Variants in GAB2 observed in about 807,000 individuals in gnomAD.
GAB2 encodes GRB2-associated-binding protein 2.
GAB2 carries 26 observed loss-of-function variants against 65.5 expected under a neutral mutation model. The ratio of observed to expected loss-of-function variants is 0.40; its 90% confidence interval spans 0.29 to 0.55. The LOEUF (loss-of-function observed/expected upper bound fraction) is 0.55. Ranked by LOEUF, GAB2 falls within the 20% of genes least tolerant of loss-of-function variation. The pLI is 0.53. For missense variants in GAB2, 884 were observed against 875.8 expected (o/e 1.01, Z -0.12); for synonymous variants, 321 against 329.6 (o/e 0.97, Z 0.28).
chr11:78,289,695 G>T (rs1014243135), intron 1 of GAB2, among the ~76,000 whole-genome samples: 4 of 151,998 alleles, frequency 2.6e-5, no homozygotes, highest in Non-Finnish European at 4.4e-5. Context: ...AAACTTTCAG[G>T]GTTAAGAGAG....
chr11:78,225,266 C>A, intron 4 of GAB2, 64 bp from the exon 5 acceptor site: 2 of 1,064,912 alleles, frequency 1.9e-6, no homozygotes, highest in Non-Finnish European at 2.9e-6. Context: ...CTTACCCATA[C>A]CCTCACCAGT....
intron 1 of GAB2, among the ~76,000 whole-genome samples, chr11:78,416,996 C>G (rs1857205741): frequency 6.7e-6 from 1 of 150,182 alleles, no homozygotes; most frequent in South Asian, 2.1e-4. Flanking sequence ...GCCACGGGGA[C>G]CAAACTGCAG....
intron 2 of GAB2, among the ~76,000 whole-genome samples, chr11:78,278,617 G>T (rs921149043): frequency 6.6e-6 from 1 of 152,044 alleles, no homozygotes; most frequent in African/African-American, 2.4e-5. Context: ...GGCCTCAGGT[G>T]ATCTGCCTGC....
At chr11:78,415,844 A>G (rs1857188122) in intron 1 of GAB2, among the ~76,000 whole-genome samples, 1 of 152,206 alleles carries the variant, frequency 6.6e-6, no homozygotes, top group Admixed American at 6.5e-5. Flanking sequence ...GATAAGTCAA[A>G]TGTAGATACA....
intron 1 of GAB2, among the ~76,000 whole-genome samples, chr11:78,388,435 T>TCC (rs1225146018): frequency 6.6e-6 from 1 of 152,104 alleles, no homozygotes; most frequent in Non-Finnish European, 1.5e-5. Flanking sequence ...TGGGCAATCC[T>TCC]CCTACCTCAG....
At chr11:78,227,404 G>GACAGGAA (rs1864704758) in intron 3 of GAB2, among the ~76,000 whole-genome samples, 2 of 152,274 alleles carry the variant, frequency 1.3e-5, no homozygotes, top group African/African-American at 4.8e-5. Context: ...TTAAGTTGAT[G>GACAGGAA]ACAGGAAACA....
At chr11:78,357,764 A>AG (rs1856378427) in intron 1 of GAB2, among the ~76,000 whole-genome samples, 1 of 152,370 alleles carries the variant, frequency 6.6e-6, no homozygotes, top group East Asian at 1.9e-4. Flanking sequence ...CACACCAGTT[A>AG]GAATGGTGAT....
intron 1 of GAB2, among the ~76,000 whole-genome samples, chr11:78,417,317 A>C (rs923653724): frequency 5.3e-5 from 8 of 151,068 alleles, no homozygotes; most frequent in Non-Finnish European, 7.4e-5. Flanking sequence ...CAGCCCCGAG[A>C]GTCAACTCTC....
chr11:78,290,251 G>A (rs148194808), intron 1 of GAB2, among the ~76,000 whole-genome samples: 1 of 152,326 alleles, frequency 6.6e-6, no homozygotes, highest in African/African-American at 2.4e-5. Context: ...GGGGCTTAAA[G>A]AAGTATATGG....
At chr11:78,238,348 T>C (rs961603669) in intron 3 of GAB2, among the ~76,000 whole-genome samples, 1 of 151,548 alleles carries the variant, frequency 6.6e-6, no homozygotes, top group African/African-American at 2.4e-5. Context: ...TACAAAAAAT[T>C]AATCAAGTAT....
rs761570919 is a variant in GAB2, at chr11:78,220,418, A to G, written c.1788T>C (p.Val596=). 1.2e-5 allele frequency: 19 copies of G among 1,589,770 alleles called. No individual in the cohort carries two copies. Among genetic ancestry groups the G allele is most frequent in the Middle Eastern group, 1.7e-4 (1 of 5,996 alleles). The change falls in exon 9 of 10, where the codon GTT becomes GTC. Residue 596 remains valine, a synonymous_variant. Coordinates refer to ENST00000361507, the MANE Select transcript of GAB2 (RefSeq NM_080491.3). The part of the protein sequence containing the change: ...PMQNPVSASP[V]PSGTNSPAPK... ...GGGCAGGACTGTTCGTGCCACTGGG[A>G]ACGGGAGATGCAGACACTGGGTTTT...
At chr11:78,230,573 T>C (rs1328905747) in intron 3 of GAB2, among the ~76,000 whole-genome samples, 1 of 152,270 alleles carries the variant, frequency 6.6e-6, no homozygotes, top group Admixed American at 6.5e-5. Context: ...TCTGTGTCTT[T>C]CCACTTCTAC....
chr11:78,240,537 C>T (rs1279172595), intron 3 of GAB2, among the ~76,000 whole-genome samples: 1 of 151,948 alleles, frequency 6.6e-6, no homozygotes, highest in Non-Finnish European at 1.5e-5. Context: ...AGTCATTGCT[C>T]TGCTGTTCCC....
intron 3 of GAB2, among the ~76,000 whole-genome samples, chr11:78,241,330 C>T (rs1227074011): frequency 1.3e-5 from 2 of 152,178 alleles, no homozygotes; most frequent in Non-Finnish European, 2.9e-5. Flanking sequence ...GAAATCCACT[C>T]CAGAAAGTCT....
At chr11:78,324,091 C>G (rs770114834) in intron 1 of GAB2, among the ~76,000 whole-genome samples, 1 of 152,032 alleles carries the variant, frequency 6.6e-6, no homozygotes, top group African/African-American at 2.4e-5. Flanking sequence ...ATCCACCATG[C>G]CTGACTCCCT....
At chr11:78,250,925 G>T (rs1361840495) in intron 2 of GAB2, among the ~76,000 whole-genome samples, 1 of 152,130 alleles carries the variant, frequency 6.6e-6, no homozygotes, top group Non-Finnish European at 1.5e-5. Context: ...CATAAAGACG[G>T]AAACAGTAGA....
intron 1 of GAB2, among the ~76,000 whole-genome samples, chr11:78,334,258 A>G (rs1855962833): frequency 1.3e-5 from 2 of 152,332 alleles, no homozygotes; most frequent in African/African-American, 4.8e-5. Flanking sequence ...AAATAATCCA[A>G]TTATATTCTT....
intron 1 of GAB2, among the ~76,000 whole-genome samples, chr11:78,380,092 T>C (rs778948864): frequency 1.6e-4 from 25 of 152,246 alleles, no homozygotes; most frequent in Non-Finnish European, 2.6e-4. Context: ...TTTTTGTGTA[T>C]GCAAGAGAGT....
At chr11:78,295,308 G>T (rs373791653) in intron 1 of GAB2, among the ~76,000 whole-genome samples, 2 of 152,124 alleles carry the variant, frequency 1.3e-5, no homozygotes, top group African/African-American at 4.8e-5. Context: ...AGGTAACTTA[G>T]GTCACTGATC....
Sources: allele counts gnomAD v4.1 joint callset (sites outside exome capture counted in the v4.1 genomes callset), GRCh38; gene constraint gnomAD v4.1.1; transcripts MANE v1.5; gene names NCBI Gene and HGNC (gene_info 2026-07-23, HGNC 2026-07-21).